GRID1: variants seen among roughly 807,000 people sequenced by gnomAD.
GRID1 encodes glutamate receptor ionotropic, delta-1.
A neutral mutation model predicts 98.0 loss-of-function variants in GRID1; 28 were observed. The observed-to-expected ratio is 0.29, with a 90% CI of 0.21 to 0.39. The LOEUF is 0.39. Among genes scored for constraint, GRID1 ranks in the 10% least tolerant of loss-of-function variants. The pLI is 1.00. For missense variants in GRID1, 1,111 were observed against 1,340.5 expected, an observed-to-expected ratio of 0.83 and a Z score of 2.67; for synonymous variants, 553 against 538.5, an observed-to-expected ratio of 1.03 and a Z score of -0.37.
chr10:85,748,593 A>G (rs574792020), intron 8 of GRID1, among the ~76,000 whole-genome samples: 2 of 152,336 alleles, frequency 1.3e-5, no homozygotes, highest in East Asian at 3.9e-4. Context: ...AAGGAAGCTA[A>G]TTAACCCTTT....
chr10:86,250,288 T>C (rs10887568), intron 2 of GRID1, among the ~76,000 whole-genome samples: 20,322 of 152,220 alleles, frequency 0.13, 1,730 homozygotes, highest in African/African-American at 0.21. Context: ...GAGGGTTGGC[T>C]GAGGTACCTC....
chr10:85,864,550 G>A (rs1218608848), intron 6 of GRID1, among the ~76,000 whole-genome samples: 2 of 152,298 alleles, frequency 1.3e-5, no homozygotes, highest in Middle Eastern at 3.4e-3. Context: ...CTCCCATATG[G>A]GTTTTTAGGG....
At chr10:86,149,857 T>C (rs1181944597) in intron 3 of GRID1, among the ~76,000 whole-genome samples, 1 of 152,258 alleles carries the variant, frequency 6.6e-6, no homozygotes, top group African/African-American at 2.4e-5. Context: ...GTTTCAAATC[T>C]CTGGCTCCTT....
chr10:85,602,601 G>A lies in GRID1; in HGVS notation c.2702C>T (p.Ser901Leu), dbSNP rs764997521. ...KQISPASIEL[S>L]ALEMGGLAPT... ...AGCCAGGCCCCCCATCTCCAGGGCCGAGAGCTCAATCGACGCTGGGGAAAT... is the reference window on the plus strand; with the variant it reads ...AGCCAGGCCCCCCATCTCCAGGGCCAAGAGCTCAATCGACGCTGGGGAAAT... The change falls in exon 16 of 16, where the codon TCG (serine) becomes TTG (leucine). Residue 901 changes from serine to leucine, a missense_variant. Transcript: ENST00000327946. 7.4e-6 allele frequency: 12 copies of A among 1,613,908 alleles called. No homozygotes were observed. The highest frequency in any genetic ancestry group is 1.6e-4 in the Middle Eastern group (1 of 6,084).
At chr10:86,040,960 G>T (rs1843337143) in intron 4 of GRID1, among the ~76,000 whole-genome samples, 2 of 150,530 alleles carry the variant, frequency 1.3e-5, no homozygotes, top group South Asian at 4.2e-4. Flanking sequence ...TCTCCACAAT[G>T]GTAGAATTCA....
At chr10:86,007,393 G>A (rs1256029353) in intron 4 of GRID1, among the ~76,000 whole-genome samples, 4 of 152,226 alleles carry the variant, frequency 2.6e-5, no homozygotes, top group Admixed American at 6.5e-5. Flanking sequence ...TCGCAGCACC[G>A]CTCCGCACCC....
At chr10:86,030,441 G>T (rs1352171634) in intron 4 of GRID1, among the ~76,000 whole-genome samples, 1 of 152,196 alleles carries the variant, frequency 6.6e-6, no homozygotes, top group African/African-American at 2.4e-5. Context: ...TAACGTTTCA[G>T]CTACATCTGG....
chr10:86,148,676 C>A lies in GRID1; in HGVS notation c.521-9652G>T, dbSNP rs146324350. ...CATATGTTGATTACCTTGAGTTAGC[C>A]ATTCCACAATGTATGCATACATCAA... On this transcript the variant is annotated intron_variant, in intron 3 of 15. Transcript: ENST00000327946. Among the ~76,000 whole-genome samples, 97 of 152,176 alleles carry A rather than the reference C, an allele frequency of 6.4e-4. 1 individual carries two copies. The highest frequency in any genetic ancestry group is 8.7e-4 in the Non-Finnish European group (59 of 68,022).
chr10:85,886,030 A>ACCAGAGCTGTGTCCTGCCTGGTCCCAGAC (rs1046799274), intron 5 of GRID1, among the ~76,000 whole-genome samples: 1 of 151,762 alleles, frequency 6.6e-6, no homozygotes, highest in Non-Finnish European at 1.5e-5. Flanking sequence ...GATACCCAGA[A>ACCAGAGCTGTGTCCTGCCTGGTCCCAGAC]CCAGAGCTGT....
chr10:86,059,634 G>T (rs958190947), intron 4 of GRID1, among the ~76,000 whole-genome samples: 5 of 152,106 alleles, frequency 3.3e-5, no homozygotes, highest in African/African-American at 1.2e-4. Context: ...GTACCATTTG[G>T]GGAAAAAACA....
At chr10:86,149,795 G>T (rs1049816022) in intron 3 of GRID1, among the ~76,000 whole-genome samples, 6 of 152,134 alleles carry the variant, frequency 3.9e-5, no homozygotes, top group African/African-American at 1.4e-4. Flanking sequence ...TCCAAGTTGG[G>T]TTCCAGTATT....
chr10:86,320,784 G>C, intron 2 of GRID1, among the ~76,000 whole-genome samples: 1 of 152,122 alleles, frequency 6.6e-6, no homozygotes, highest in South Asian at 2.1e-4. Context: ...ATTGTGGCTT[G>C]TTATTATTAT....
chr10:86,232,613 G>A (rs1846474542), intron 2 of GRID1, among the ~76,000 whole-genome samples: 1 of 152,218 alleles, frequency 6.6e-6, no homozygotes, highest in South Asian at 2.1e-4. Flanking sequence ...AAGGGAAGTA[G>A]AGAAATCTAG....
At chr10:85,919,708 G>A (rs1841674834) in intron 4 of GRID1, among the ~76,000 whole-genome samples, 2 of 152,228 alleles carry the variant, frequency 1.3e-5, no homozygotes, top group African/African-American at 4.8e-5. Context: ...TCTGCAGAGT[G>A]AGAACACTAT....
At chr10:85,977,021 A>G (rs756746451) in intron 4 of GRID1, among the ~76,000 whole-genome samples, 9 of 152,208 alleles carry the variant, frequency 5.9e-5, no homozygotes, top group Non-Finnish European at 8.8e-5. Context: ...TACCTCTGAC[A>G]AGGCCCAGCT....
chr10:85,879,002 C>A (rs995588430), intron 5 of GRID1, among the ~76,000 whole-genome samples: 2 of 151,330 alleles, frequency 1.3e-5, no homozygotes, highest in Admixed American at 1.3e-4. Context: ...TTTAAACCAA[C>A]AAAGATCAAA....
intron 4 of GRID1, among the ~76,000 whole-genome samples, chr10:85,980,645 C>T (rs752540396): frequency 6.6e-5 from 10 of 152,148 alleles, no homozygotes; most frequent in Non-Finnish European, 1.3e-4. Flanking sequence ...CATATGAGGC[C>T]CTGGGGTGAA....
At chr10:85,947,158 C>T (rs187815206) in intron 4 of GRID1, among the ~76,000 whole-genome samples, 1 of 152,182 alleles carries the variant, frequency 6.6e-6, no homozygotes, top group Non-Finnish European at 1.5e-5. Context: ...TGCCCCCACA[C>T]AGAAGGGGAA....
At chr10:86,299,659 C>T (rs995793095) in intron 2 of GRID1, among the ~76,000 whole-genome samples, 6 of 152,096 alleles carry the variant, frequency 3.9e-5, no homozygotes, top group East Asian at 1.9e-4. Context: ...ATTTCAATAG[C>T]GCTTTGCCAA....
Sources: gnomAD v4.1 joint callset for allele counts (sites outside exome capture counted in the v4.1 genomes callset) on GRCh38, gnomAD v4.1.1 for gene constraint, MANE v1.5 for transcripts, NCBI Gene and HGNC (gene_info 2026-07-23, HGNC 2026-07-21) for gene names.